Variants in EMP3 observed in about 807,000 individuals in gnomAD.
EMP3 encodes epithelial membrane protein 3.
EMP3 carries 15 observed loss-of-function variants against 21.6 expected under a neutral mutation model. The observed-to-expected ratio is 0.69, with a 90% CI of 0.46 to 1.07. The LOEUF (loss-of-function observed/expected upper bound fraction) is 1.07. Ranked by LOEUF, EMP3 falls within the 50% of genes least tolerant of loss-of-function variation. EMP3 has a pLI of 0.00. For synonymous variants in EMP3, 107 were observed against 86.1 expected, an observed-to-expected ratio of 1.24 and a Z score of -1.34; for missense variants, 183 against 206.6, an observed-to-expected ratio of 0.89 and a Z score of 0.70.
chr19:48,330,166 G>T (rs1265424622), intron 4 of EMP3, 135 bp from the exon 5 acceptor site: 8 of 1,297,032 alleles, frequency 6.2e-6, no homozygotes, highest in South Asian at 3.2e-5. Context: ...CGCTGGGCGG[G>T]GGGGAAAGAA....
intron 3 of EMP3, among the ~76,000 whole-genome samples, chr19:48,328,131 T>C (rs1969154981): frequency 6.6e-6 from 1 of 151,940 alleles, no homozygotes; most frequent in Non-Finnish European, 1.5e-5. Flanking sequence ...GAAGAGGCCA[T>C]ATAGATAAAA....
In EMP3 at chr19:48,326,964, G is replaced by A. The variant is rs762402447; in HGVS notation, c.78+42G>A. The A allele has an allele frequency of 1.6e-5, 25 of 1,570,420 alleles. No homozygotes were observed. The South Asian group carries it at 2.8e-4, about 17-fold the overall frequency. ...CTCAGGGCCCTTCTGTTCCCCTTTG[G>A]AATCTTGCCACGCCCCTCCTCTAAA... On this transcript the variant is annotated intron_variant, in intron 2 of 4. Transcript: ENST00000270221.
chr19:48,329,489 A>AC lies in EMP3; in HGVS notation c.321dup (p.Ser108GlnfsTer83). ...TGCCACCGGCCTCTGCCAGCTTTGC[A>AC]CCAGTGAGCACTGCCCCTCCCCAAC... On this transcript the variant is annotated frameshift_variant, in exon 4 of 5. Coordinates refer to ENST00000270221, the MANE Select transcript of EMP3 (RefSeq NM_001425.3). LOFTEE classifies it high-confidence loss of function. This position sits in a 1 kb window ranked among gnomAD's most constrained non-coding sequence, Gnocchi z 4.5. 1 of 1,614,028 alleles carries AC rather than the reference A, an allele frequency of 6.2e-7. No individual in the cohort carries two copies. The highest frequency in any genetic ancestry group is 8.5e-7 in the Non-Finnish European group (1 of 1,179,952).
In EMP3 at chr19:48,330,363, C is replaced by A. The variant is rs891919768; in HGVS notation, c.385C>A (p.His129Asn). 2 of 1,607,776 alleles carry A rather than the reference C, an allele frequency of 1.2e-6. No homozygotes were observed. Among genetic ancestry groups the A allele is most frequent in the Non-Finnish European group, 1.7e-6 (2 of 1,177,380 alleles). Residue 129 changes from histidine to asparagine, a missense_variant, in exon 5 of 5, where the codon CAC becomes AAC. Physicochemically the swap from His to Asn is moderately conservative, Grantham distance 68. Coordinates refer to ENST00000270221, the MANE Select transcript of EMP3 (RefSeq NM_001425.3). Reference sequence around the variant, plus strand: ...TCACGCCGAGGAGATCCTGGAGAAGCACCCGCGAGGGGGCAGCTTCGGATA... The same window carrying A: ...TCACGCCGAGGAGATCCTGGAGAAGAACCCGCGAGGGGGCAGCTTCGGATA... ...AIHAEEILEKHPRGGSFGYCF... is the reference protein window; with the variant it reads ...AIHAEEILEKNPRGGSFGYCF...
chr19:48,329,256 G>A lies in EMP3; in HGVS notation c.182-96G>A, dbSNP rs1406968195. 1.3e-6 allele frequency: 2 copies of A among 1,511,808 alleles called. No homozygotes were observed. The highest frequency in any genetic ancestry group is 1.8e-6 in the Non-Finnish European group (2 of 1,108,666). 93.6% of individuals were successfully genotyped at this position (1,511,808 alleles called of 1,614,324 possible). ...GCTTGTATGGGCCTAAACGGGAGCA[G>A]GGATGGGGCAGAGAAGGGTCACATG... On this transcript the variant is annotated intron_variant, in intron 3 of 4. Coordinates refer to ENST00000270221, the MANE Select transcript of EMP3 (RefSeq NM_001425.3). The surrounding 1 kb of genome is among the most constrained non-coding windows in gnomAD (Gnocchi z 4.5).
At position 48,330,464 on chromosome 19, in the gene EMP3, G is replaced by A; in HGVS notation, c.486G>A (p.Arg162=). The change falls in exon 5 of 5, where the codon CGG becomes CGA. Residue 162 remains arginine (R), a synonymous_variant. Transcript: ENST00000270221. ...SGIIYIHLRK[R]E is the part of the protein sequence containing the mutation. Reference sequence around the variant, plus strand: ...TCATCTACATCCACCTACGGAAGCGGGAGTGAGCGCCCCGCCTCGCTCGGC... The same window carrying A: ...TCATCTACATCCACCTACGGAAGCGAGAGTGAGCGCCCCGCCTCGCTCGGC... 6.3e-7 allele frequency: 1 copy of A among 1,579,728 alleles called. No homozygotes were observed. The highest frequency in any genetic ancestry group is 8.6e-7 in the Non-Finnish European group (1 of 1,166,766).
In EMP3 at chr19:48,329,931, G is replaced by A. The variant is rs547275303; in HGVS notation, c.323-370G>A. Among the ~76,000 whole-genome samples, 9 of 152,230 alleles carry A rather than the reference G, an allele frequency of 5.9e-5. No homozygotes were observed. The South Asian group carries it at 1.9e-3, about 32-fold the overall frequency. ...CATCAGATACTTCAAGAAGTTTTGC[G>A]TACTTTTTAATTTTTTGACTTAAGG... On this transcript the variant is annotated intron_variant, in intron 4 of 4. Transcript: ENST00000270221. The surrounding 1 kb of genome is among the most constrained non-coding windows in gnomAD (Gnocchi z 4.5).
intron 3 of EMP3, among the ~76,000 whole-genome samples, chr19:48,328,111 C>G (rs1404882023): frequency 2.0e-5 from 3 of 152,050 alleles, no homozygotes; most frequent in Non-Finnish European, 4.4e-5. Flanking sequence ...CAGCCAGTAC[C>G]TCCTGTTCTG....
chr19:48,330,458 G>T lies in EMP3; in HGVS notation c.480G>T (p.Arg160=). ...LVSGIIYIHL[R]KRE ...GCGGCATCATCTACATCCACCTACG[G>T]AAGCGGGAGTGAGCGCCCCGCCTCG... Residue 160 remains arginine, a synonymous_variant, in exon 5 of 5, where the codon CGG becomes CGT. Transcript: ENST00000270221. 1 of 1,582,630 alleles carries T rather than the reference G, an allele frequency of 6.3e-7. No homozygotes were observed. The highest frequency in any genetic ancestry group is 1.1e-5 in the South Asian group (1 of 87,720).
At position 48,329,254 on chromosome 19, in the gene EMP3, C is replaced by T; in HGVS notation, c.182-98C>T. The stretch of plus-strand genomic sequence containing the variant: ...AGGCTTGTATGGGCCTAAACGGGAG[C>T]AGGGATGGGGCAGAGAAGGGTCACA... On this transcript the variant is annotated intron_variant, in intron 3 of 4. Coordinates refer to ENST00000270221, the MANE Select transcript of EMP3 (RefSeq NM_001425.3). This position sits in a 1 kb window ranked among gnomAD's most constrained non-coding sequence, Gnocchi z 4.5. 2 of 1,489,384 alleles carry T rather than the reference C, an allele frequency of 1.3e-6. No homozygotes were observed. The highest frequency in any genetic ancestry group is 1.8e-6 in the Non-Finnish European group (2 of 1,091,608). The allele number at this position is 1,489,384 out of a possible 1,614,324, so 92.3% of individuals were successfully genotyped here. A position where few individuals can be genotyped will look rare whatever the true frequency, so the allele number is the denominator to read the frequency against.
rs1258668321 is a variant in EMP3 at position 48,330,519 on chromosome 19, C to T, written c.*49C>T. On this transcript the variant is annotated 3_prime_UTR_variant, in exon 5 of 5. Transcript: ENST00000270221. ...CCCGCCCCTTCCCGGCCCCCCTCGC[C>T]GCGCGTCCTCCAAAAAATAAAACCT... The T allele has an allele frequency of 1.3e-6, 2 of 1,489,356 alleles. No individual in the cohort carries two copies. Among genetic ancestry groups the T allele is most frequent in the South Asian group, 1.2e-5 (1 of 80,174 alleles). The allele number at this position is 1,489,356 out of a possible 1,614,324, so 92.3% of individuals were successfully genotyped here. A position where few individuals can be genotyped will look rare whatever the true frequency, so the allele number is the denominator to read the frequency against.
chr19:48,330,167 G>A (rs1969182735), intron 4 of EMP3, 134 bp from the exon 5 acceptor site: 20 of 1,310,058 alleles, frequency 1.5e-5, no homozygotes, highest in Middle Eastern at 2.0e-4. Context: ...GCTGGGCGGG[G>A]GGGAAAGAAC....
intron 2 of EMP3, 38 bp downstream of exon 2, chr19:48,326,960 T>C: frequency 2.5e-6 from 4 of 1,582,760 alleles, no homozygotes; most frequent in Non-Finnish European, 3.5e-6. Flanking sequence ...TCTGTTCCCC[T>C]TTGGAATCTT....
At position 48,330,434 on chromosome 19, in the gene EMP3, C is replaced by T; in HGVS notation, c.456C>T (p.Ser152=). The part of the protein sequence containing the change: ...AWVAFPLALV[S]GIIYIHLRKR... The stretch of plus-strand genomic sequence containing the variant: ...TGGCCTTCCCCCTCGCCCTGGTCAG[C>T]GGCATCATCTACATCCACCTACGGA... The change falls in exon 5 of 5, where the codon AGC becomes AGT. Residue 152 remains serine, a synonymous_variant. Coordinates refer to ENST00000270221, the MANE Select transcript of EMP3 (RefSeq NM_001425.3). The T allele has an allele frequency of 2.5e-6, 4 of 1,595,622 alleles. No individual in the cohort carries two copies. Among genetic ancestry groups the T allele is most frequent in the Non-Finnish European group, 3.4e-6 (4 of 1,171,958 alleles).
intron 1 of EMP3, among the ~76,000 whole-genome samples, chr19:48,326,440 C>T (rs1335989086): frequency 6.6e-6 from 1 of 152,046 alleles, no homozygotes; most frequent in Non-Finnish European, 1.5e-5. Flanking sequence ...ACCCAGGAGT[C>T]TGCACCCATG....
At chr19:48,327,830 C>T (rs1206966468) in intron 3 of EMP3, 4 of 535,654 alleles carry the variant, frequency 7.5e-6, no homozygotes, top group South Asian at 6.7e-5. Flanking sequence ...TTTTTGAGAC[C>T]GAGTTTTCCT....
Position 48,330,407 on chromosome 19 carries a change from G to A in EMP3, c.429G>A (p.Trp143Ter). 6.2e-7 allele frequency: 1 copy of A among 1,603,880 alleles called. No individual in the cohort carries two copies. The highest frequency in any genetic ancestry group is 8.5e-7 in the Non-Finnish European group (1 of 1,175,638). The change falls in exon 5 of 5, where the codon TGG becomes TGA. Residue 143 changes from tryptophan to a stop codon, truncating the protein, a stop_gained. Coordinates refer to ENST00000270221, the MANE Select transcript of EMP3 (RefSeq NM_001425.3). LOFTEE classifies it high-confidence loss of function. ...TCGGATACTGCTTCGCCCTGGCCTGGGTGGCCTTCCCCCTCGCCCTGGTCA... is the reference window on the plus strand; with the variant it reads ...TCGGATACTGCTTCGCCCTGGCCTGAGTGGCCTTCCCCCTCGCCCTGGTCA... Reference protein sequence around the residue: ...GSFGYCFALAWVAFPLALVSG... With the variant: ...GSFGYCFALA
Position 48,326,405 on chromosome 19 carries a change from G to C in EMP3, c.-15-425G>C, listed in dbSNP as rs375316499. Reference sequence around the variant, plus strand: ...GCCAATGGGGATCTCAGGAATCCAGGCCCCAGCGGTCTCCTCCCTGAGAGA... The same window carrying C: ...GCCAATGGGGATCTCAGGAATCCAGCCCCCAGCGGTCTCCTCCCTGAGAGA... On this transcript the variant is annotated intron_variant, in intron 1 of 4. Transcript: ENST00000270221. Among the ~76,000 whole-genome samples, 19 of 151,946 alleles carry C rather than the reference G, an allele frequency of 1.3e-4. No homozygotes were observed. In the East Asian group the frequency reaches 3.7e-3, roughly 29 times the overall value.
chr19:48,327,777 C>T (rs1272484671), intron 3 of EMP3, 154 bp downstream of exon 3: 13 of 638,328 alleles, frequency 2.0e-5, no homozygotes, highest in Non-Finnish European at 3.1e-5. Flanking sequence ...ATGCATGTCC[C>T]GCCTGTCTGG....
Sources: allele counts gnomAD v4.1 joint callset (sites outside exome capture counted in the v4.1 genomes callset), GRCh38; gene constraint gnomAD v4.1.1; non-coding constraint Gnocchi (gnomAD v3.1); transcripts MANE v1.5; gene names NCBI Gene and HGNC (gene_info 2026-07-23, HGNC 2026-07-21).